INO80: variants seen among roughly 807,000 people sequenced by gnomAD.
INO80 encodes chromatin-remodeling ATPase INO80.
INO80 carries 20 observed loss-of-function variants against 203.4 expected under a neutral mutation model. That is an observed-to-expected ratio of 0.10 (90% CI 0.07 to 0.14). The LOEUF is 0.14. Among genes scored for constraint, INO80 ranks in the 10% least tolerant of loss-of-function variants. INO80 has a pLI of 1.00. For missense variants in INO80, 1,419 were observed against 1,914.4 expected (o/e 0.74, Z 4.83); for synonymous variants, 726 against 685.2 (o/e 1.06, Z -0.93).
chr15:41,091,945 C>G, intron 5 of INO80, 82 bp downstream of exon 5: 3 of 1,283,634 alleles, frequency 2.3e-6, no homozygotes, highest in Non-Finnish European at 3.2e-6. Flanking sequence ...AGCCACCACG[C>G]CCAGCCAAAA....
chr15:41,099,503 C>G (rs967250807), intron 1 of INO80, among the ~76,000 whole-genome samples: 6 of 151,736 alleles, frequency 4.0e-5, no homozygotes, highest in Non-Finnish European at 8.8e-5. Flanking sequence ...TACTTTTGGC[C>G]AGGAGCAGTG....
chr15:41,036,103 C>T (rs1008313009), intron 24 of INO80, among the ~76,000 whole-genome samples: 1 of 136,600 alleles, frequency 7.3e-6, no homozygotes, highest in East Asian at 2.2e-4. Context: ...TTGCAGTGAG[C>T]CGAGATCGCA....
chr15:41,056,354 G>T (rs763718542), intron 17 of INO80, among the ~76,000 whole-genome samples: 1 of 152,122 alleles, frequency 6.6e-6, no homozygotes, highest in Non-Finnish European at 1.5e-5. Context: ...GCAAAAACAC[G>T]TCTCTGCATT....
intron 24 of INO80, among the ~76,000 whole-genome samples, chr15:41,037,369 G>A (rs372098324): frequency 1.5e-4 from 22 of 151,482 alleles, no homozygotes; most frequent in Admixed American, 5.3e-4. Flanking sequence ...TTAGCCGGGC[G>A]TGTTGGCACA....
At chr15:41,027,417 T>C (rs1481855949) in intron 25 of INO80, among the ~76,000 whole-genome samples, 179 bp downstream of exon 25, 1 of 152,240 alleles carries the variant, frequency 6.6e-6, no homozygotes, top group Non-Finnish European at 1.5e-5. Context: ...AAGGTGAATA[T>C]AAGTGTTGTC....
chr15:41,076,578 C>CA (rs1178908334), intron 9 of INO80, among the ~76,000 whole-genome samples: 2 of 148,152 alleles, frequency 1.3e-5, no homozygotes, highest in East Asian at 4.1e-4. Context: ...CTTGTTTCTA[C>CA]AAAAAATAAA....
rs530349316 is a variant in INO80, at chr15:41,087,800, CAA to C, written c.538-120_538-119del. On this transcript the variant is annotated intron_variant, in intron 5 of 35. Coordinates refer to ENST00000648947, the MANE Select transcript of INO80 (RefSeq NM_017553.3). ...GCTCCTAAATACAGTATTCTTCCCA[CAA>C]AGAGATCAGTAACATCTAGTATATC... 7.7e-5 allele frequency: 76 copies of C among 986,480 alleles called. No homozygotes were observed. In the East Asian group the frequency reaches 1.8e-3, roughly 24 times the overall value. 61.1% of individuals were successfully genotyped at this position (986,480 alleles called of 1,614,324 possible).
At chr15:41,090,929 T>C (rs978543706) in intron 5 of INO80, among the ~76,000 whole-genome samples, 4 of 150,150 alleles carry the variant, frequency 2.7e-5, no homozygotes, top group Non-Finnish European at 5.9e-5. Context: ...GAAATTCTTT[T>C]TTTTTTTTTT....
intron 28 of INO80, among the ~76,000 whole-genome samples, chr15:40,998,908 GC>G (rs1353058588): frequency 6.6e-6 from 1 of 151,604 alleles, no homozygotes; most frequent in Non-Finnish European, 1.5e-5. Flanking sequence ...ACGTGCCTCA[GC>G]CTCCCAAAGT....
At chr15:40,990,592 G>C (rs556992813) in intron 29 of INO80, among the ~76,000 whole-genome samples, 1 of 152,182 alleles carries the variant, frequency 6.6e-6, no homozygotes, top group Non-Finnish European at 1.5e-5. Context: ...AACTGCTGGC[G>C]AAAGAAAGTC....
At chr15:41,107,294 A>C (rs28896021) in intron 1 of INO80, among the ~76,000 whole-genome samples, 32,961 of 152,094 alleles carry the variant, frequency 0.22, 4,544 homozygotes, top group Non-Finnish European at 0.31. Flanking sequence ...CAAGACCAGG[A>C]GTTCGAGACC....
At chr15:41,016,010 C>T in intron 27 of INO80, 78 bp downstream of exon 27, 1 of 1,170,026 alleles carries the variant, frequency 8.5e-7, no homozygotes, top group Non-Finnish European at 1.2e-6. Context: ...TTAAGCAGGA[C>T]TAACATTAGT....
chr15:40,989,851 G>A (rs539496444), intron 29 of INO80, among the ~76,000 whole-genome samples: 32 of 152,232 alleles, frequency 2.1e-4, no homozygotes, highest in Middle Eastern at 3.4e-3. Context: ...CAGTGGTCCT[G>A]GCTTATAATA....
At chr15:41,093,201 G>A (rs2045670357) in intron 4 of INO80, among the ~76,000 whole-genome samples, 1 of 151,598 alleles carries the variant, frequency 6.6e-6, no homozygotes, top group African/African-American at 2.4e-5. Context: ...CTGAGGCGGG[G>A]GGATCACAAG....
At chr15:41,022,627 T>G (rs1181246661) in intron 25 of INO80, among the ~76,000 whole-genome samples, 1 of 151,892 alleles carries the variant, frequency 6.6e-6, no homozygotes, top group Non-Finnish European at 1.5e-5. Context: ...AACCAGAGAG[T>G]ACTCTGGCTT....
chr15:40,985,309 C>T, intron 32 of INO80, 29 bp downstream of exon 32: 1 of 1,550,624 alleles, frequency 6.4e-7, no homozygotes, highest in Non-Finnish European at 8.9e-7. Flanking sequence ...CCCCATTAGC[C>T]CCTATCCACC....
At chr15:41,041,896 G>C (rs964061955) in intron 24 of INO80, among the ~76,000 whole-genome samples, 19 of 146,382 alleles carry the variant, frequency 1.3e-4, no homozygotes, top group Non-Finnish European at 2.2e-4. Flanking sequence ...GTACAGTGGT[G>C]CACTCAGGGT....
intron 23 of INO80, among the ~76,000 whole-genome samples, chr15:41,047,043 C>A (rs542392740): frequency 3.3e-5 from 5 of 151,930 alleles, no homozygotes; most frequent in African/African-American, 1.2e-4. Flanking sequence ...TCTCAGCTCA[C>A]GGCAACCTCC....
intron 29 of INO80, among the ~76,000 whole-genome samples, chr15:40,991,991 T>C (rs2043823143): frequency 6.6e-6 from 1 of 152,188 alleles, no homozygotes; most frequent in Non-Finnish European, 1.5e-5. Context: ...TTAGCCAGGA[T>C]GGTCTCGATC....
Sources: allele counts gnomAD v4.1 joint callset (sites outside exome capture counted in the v4.1 genomes callset), GRCh38; gene constraint gnomAD v4.1.1; transcripts MANE v1.5; gene names NCBI Gene and HGNC (gene_info 2026-07-23, HGNC 2026-07-21).